The following ANKRD44 variants were observed in gnomAD, a reference collection of about 807,000 sequenced individuals.
The protein encoded by ANKRD44 is serine/threonine-protein phosphatase 6 regulatory ankyrin repeat subunit B.
ANKRD44 carries 35 observed loss-of-function variants against 116.0 expected under a neutral mutation model. That is an observed-to-expected ratio of 0.30 (90% CI 0.23 to 0.40). The LOEUF is 0.40. Among genes scored for constraint, ANKRD44 ranks in the 10% least tolerant of loss-of-function variants. The probability of loss-of-function intolerance (pLI) is 1.00; values close to 1 mark genes in which losing one functional copy is unlikely to be tolerated. For missense variants in ANKRD44, 1,014 were observed against 1,242.6 expected, an observed-to-expected ratio of 0.82 and a Z score of 2.77; for synonymous variants, 435 against 461.8, an observed-to-expected ratio of 0.94 and a Z score of 0.74.
intron 2 of ANKRD44, among the ~76,000 whole-genome samples, chr2:197,157,316 T>C (rs1200849792): frequency 6.6e-6 from 1 of 152,130 alleles, no homozygotes; most frequent in Non-Finnish European, 1.5e-5. Flanking sequence ...TGGTTATGTG[T>C]GGATGTAAAA....
chr2:197,235,017 C>A (rs1044752356), intron 1 of ANKRD44, among the ~76,000 whole-genome samples: 1 of 152,182 alleles, frequency 6.6e-6, no homozygotes, highest in East Asian at 1.9e-4. Flanking sequence ...TCAATCAGCC[C>A]TATGTTTCAC....
At chr2:197,030,494 C>T (rs1296046908) in intron 16 of ANKRD44, among the ~76,000 whole-genome samples, 1 of 152,090 alleles carries the variant, frequency 6.6e-6, no homozygotes, top group South Asian at 2.1e-4. Flanking sequence ...ACTCTTGAGG[C>T]AATATTAGTG....
chr2:197,213,361 A>G (rs1027419373), intron 1 of ANKRD44, among the ~76,000 whole-genome samples: 3 of 152,216 alleles, frequency 2.0e-5, no homozygotes, highest in African/African-American at 7.2e-5. Context: ...GGTTTTCAAA[A>G]TAATATCTAC....
rs1463546095 is a variant in ANKRD44, at chr2:197,176,778, C to G, written c.111+10245G>C. ...TGCCAGAAATAGCCTTCTGAGCAGA[C>G]AGTTGGCAAGTGACCCGGGTATAAC... On this transcript the variant is annotated intron_variant, in intron 2 of 27. Transcript: ENST00000282272. Among the ~76,000 whole-genome samples the G allele has an allele frequency of 4.6e-5, 7 of 152,272 alleles. No homozygotes were observed. In the East Asian group the frequency reaches 1.2e-3, roughly 25 times the overall value.
downstream of ANKRD44, among the ~76,000 whole-genome samples, chr2:196,982,109 TA>T (rs377628696): frequency 0.4 from 12,210 of 30,674 alleles, 1,257 homozygotes; most frequent in East Asian, 0.53. Flanking sequence ...TAAAAAAAAT[TA>T]TATATATATA....
chr2:197,057,243 T>G (rs908988329), intron 16 of ANKRD44, among the ~76,000 whole-genome samples: 1 of 152,216 alleles, frequency 6.6e-6, no homozygotes, highest in Admixed American at 6.5e-5. Context: ...TTGCATTGAT[T>G]GAAATGTTTA....
chr2:196,997,099 A>G (rs1158350043), intron 25 of ANKRD44, among the ~76,000 whole-genome samples: 1 of 152,080 alleles, frequency 6.6e-6, no homozygotes, highest in Non-Finnish European at 1.5e-5. Flanking sequence ...GAATATTGAC[A>G]TAACACTCAG....
chr2:197,124,269 GCC>G (rs889499258), intron 6 of ANKRD44, among the ~76,000 whole-genome samples: 1 of 151,872 alleles, frequency 6.6e-6, no homozygotes, highest in African/African-American at 2.4e-5. Context: ...TTTCATCCCT[GCC>G]CCAACCTACT....
At position 197,173,238 on chromosome 2, in the gene ANKRD44, C is replaced by T. The variant is rs532643760; in HGVS notation, c.111+13785G>A. 2.6e-4 allele frequency among the ~76,000 whole-genome samples: 40 copies of T among 152,298 alleles called. No homozygotes were observed. The South Asian group carries it at 8.1e-3, about 31-fold the overall frequency. On this transcript the variant is annotated intron_variant, in intron 2 of 27. Coordinates refer to ENST00000282272, the MANE Select transcript of ANKRD44 (RefSeq NM_001195144.2). Reference sequence around the variant, plus strand: ...AAGTTTCACACTGAGCCCTAGACTACTAAGTCATTATTCAAAATTATGGGT... The same window carrying T: ...AAGTTTCACACTGAGCCCTAGACTATTAAGTCATTATTCAAAATTATGGGT...
chr2:197,003,082 G>A (rs903863197), intron 21 of ANKRD44, among the ~76,000 whole-genome samples: 27 of 151,736 alleles, frequency 1.8e-4, no homozygotes, highest in African/African-American at 6.3e-4. Flanking sequence ...CGAGGCGGGC[G>A]AATTACTTGA....
intron 25 of ANKRD44, 35 bp downstream of exon 25, chr2:196,998,302 C>A (rs75547979): frequency 0.045 from 63,812 of 1,423,754 alleles, 1,782 homozygotes; most frequent in South Asian, 0.063. Flanking sequence ...ATTATTATAA[C>A]GTGAAGTAAT....
chr2:197,299,456 A>C (rs1351618939), intron 1 of ANKRD44: 3 of 152,236 alleles, frequency 2.0e-5, no homozygotes, highest in African/African-American at 7.2e-5. Context: ...CAATGAGTGG[A>C]TAAAGAAAGT....
At chr2:197,000,307 A>G in intron 23 of ANKRD44, 112 bp downstream of exon 23, 2 of 811,038 alleles carry the variant, frequency 2.5e-6, no homozygotes. Context: ...ATTAAAAACC[A>G]TGCTTATCCA....
chr2:196,967,384 T>C, exon 22 of ANKRD44: 1 of 468,996 alleles, frequency 2.1e-6, no homozygotes, highest in Middle Eastern at 3.3e-4. Context: ...GATTCATAAT[T>C]GGTCCCTCAG....
At chr2:197,066,149 A>G (rs1478976509) in intron 16 of ANKRD44, among the ~76,000 whole-genome samples, 2 of 152,226 alleles carry the variant, frequency 1.3e-5, no homozygotes, top group Non-Finnish European at 2.9e-5. Context: ...ACAAATCAAT[A>G]AACATAATCC....
At chr2:197,058,963 G>A (rs1054083323) in intron 16 of ANKRD44, among the ~76,000 whole-genome samples, 3 of 152,154 alleles carry the variant, frequency 2.0e-5, no homozygotes, top group Non-Finnish European at 4.4e-5. Flanking sequence ...CTGGCCTCAC[G>A]TTTCCATGGT....
At chr2:197,063,230 G>A (rs891880453) in intron 16 of ANKRD44, among the ~76,000 whole-genome samples, 7 of 152,198 alleles carry the variant, frequency 4.6e-5, no homozygotes, top group Non-Finnish European at 1.0e-4. Flanking sequence ...CAACAGACCT[G>A]CAGCTGAAGG....
At chr2:197,211,397 CAA>C (rs2081320024) in intron 1 of ANKRD44, among the ~76,000 whole-genome samples, 1 of 152,166 alleles carries the variant, frequency 6.6e-6, no homozygotes, top group African/African-American at 2.4e-5. Flanking sequence ...CAGAAAATTT[CAA>C]TAACTTAGCC....
At chr2:197,034,889 TC>T (rs2076780374) in intron 16 of ANKRD44, among the ~76,000 whole-genome samples, 1 of 152,196 alleles carries the variant, frequency 6.6e-6, no homozygotes, top group East Asian at 1.9e-4. Flanking sequence ...TATTTGTAAG[TC>T]ATGAACTCTC....
Sources: gnomAD v4.1 joint callset for allele counts (sites outside exome capture counted in the v4.1 genomes callset) on GRCh38, gnomAD v4.1.1 for gene constraint, MANE v1.5 for transcripts, NCBI Gene and HGNC (gene_info 2026-07-23, HGNC 2026-07-21) for gene names.